The following CABIN1 variants were observed in gnomAD, a reference collection of about 807,000 sequenced individuals.
The protein encoded by CABIN1 is calcineurin binding protein 1.
A neutral mutation model predicts 227.7 loss-of-function variants in CABIN1; 133 were observed. That is an observed-to-expected ratio of 0.58 (90% confidence interval 0.51 to 0.67). The LOEUF (loss-of-function observed/expected upper bound fraction) is 0.67. Ranked by LOEUF, CABIN1 falls within the 30% of genes least tolerant of loss-of-function variation. CABIN1 has a pLI of 0.00. For missense variants in CABIN1, 2,408 were observed against 2,852.5 expected (o/e 0.84, Z 3.55); for synonymous variants, 1,086 against 1,155.1 (o/e 0.94, Z 1.21).
intron 33 of CABIN1, among the ~76,000 whole-genome samples, chr22:24,171,403 C>G (rs2046804179): frequency 6.6e-6 from 1 of 152,188 alleles, no homozygotes; most frequent in African/African-American, 2.4e-5. Flanking sequence ...AGACTGGCAC[C>G]CTGTGGTGTG....
intron 1 of CABIN1, among the ~76,000 whole-genome samples, chr22:24,032,726 A>G (rs1465982132): frequency 2.0e-5 from 3 of 151,924 alleles, no homozygotes; most frequent in Non-Finnish European, 2.9e-5. Context: ...TTTTTTTCAT[A>G]TTGTATAGTG....
intron 18 of CABIN1, among the ~76,000 whole-genome samples, chr22:24,072,787 T>C (rs2040185481): frequency 6.6e-6 from 1 of 152,180 alleles, no homozygotes; most frequent in African/African-American, 2.4e-5. Flanking sequence ...TGACTACTTA[T>C]GACAAATGCT....
At chr22:24,023,829 G>T (rs2035894814) in intron 1 of CABIN1, among the ~76,000 whole-genome samples, 1 of 151,836 alleles carries the variant, frequency 6.6e-6, no homozygotes, top group Admixed American at 6.6e-5. Context: ...TGCCTCCCGG[G>T]CCCAAGCAGT....
intron 29 of CABIN1, among the ~76,000 whole-genome samples, chr22:24,152,603 C>T (rs1374640583): frequency 6.6e-6 from 1 of 152,204 alleles, no homozygotes; most frequent in Non-Finnish European, 1.5e-5. Context: ...CTTCAAAGCT[C>T]CCAGGCTGAG....
At chr22:24,070,344 C>T (rs967255270) in intron 16 of CABIN1, among the ~76,000 whole-genome samples, 1 of 152,230 alleles carries the variant, frequency 6.6e-6, no homozygotes, top group Non-Finnish European at 1.5e-5. Flanking sequence ...GCCAGTTGCC[C>T]CTGTTGTGGC....
At chr22:24,036,232 G>A in intron 3 of CABIN1, 51 bp downstream of exon 3, 2 of 1,295,578 alleles carry the variant, frequency 1.5e-6, no homozygotes, top group Non-Finnish European at 2.2e-6. Flanking sequence ...TTTCTATAGA[G>A]GGAACCTCAT....
chr22:24,047,437 C>T (rs1261813609), intron 6 of CABIN1, among the ~76,000 whole-genome samples: 1 of 152,188 alleles, frequency 6.6e-6, no homozygotes, highest in Non-Finnish European at 1.5e-5. Flanking sequence ...TCCAAGTGCT[C>T]AGTGCCTTCT....
chr22:24,129,514 C>T (rs1375810056), intron 28 of CABIN1, among the ~76,000 whole-genome samples: 1 of 152,230 alleles, frequency 6.6e-6, no homozygotes, highest in Non-Finnish European at 1.5e-5. Context: ...ACATACGCTT[C>T]CTTCCCATTT....
At chr22:24,077,099 A>G (rs2040495499) in intron 19 of CABIN1, among the ~76,000 whole-genome samples, 1 of 152,150 alleles carries the variant, frequency 6.6e-6, no homozygotes, top group South Asian at 2.1e-4. Flanking sequence ...CCCTTTAAGA[A>G]AACGTTTGCC....
At chr22:24,151,036 G>A (rs2045452810) in intron 29 of CABIN1, among the ~76,000 whole-genome samples, 1 of 152,174 alleles carries the variant, frequency 6.6e-6, no homozygotes, top group Non-Finnish European at 1.5e-5. Context: ...GGGATTGAAG[G>A]ATTTCTCCCT....
rs774582286 is a variant in CABIN1 at position 24,042,948 on chromosome 22, T to G, written c.390T>G (p.Ile130Met). 3.7e-6 allele frequency: 6 copies of G among 1,611,888 alleles called. No individual in the cohort carries two copies. Among genetic ancestry groups the G allele is most frequent in the East Asian group, 2.2e-5 (1 of 44,674 alleles). Reference protein sequence around the residue: ...DSTDVNLWYKIGHVALRLIRI... With the variant: ...DSTDVNLWYKMGHVALRLIRI... ...CAGATGTCAACCTCTGGTATAAGAT[T>G]GGACATGTGGCCCTGAGGCTCATCC... Residue 130 changes from isoleucine (I) to methionine (M), a missense_variant, in exon 6 of 37, where the codon ATT becomes ATG. Transcript: ENST00000263119.
intron 29 of CABIN1, among the ~76,000 whole-genome samples, chr22:24,157,856 G>T (rs1203227492): frequency 6.6e-6 from 1 of 152,164 alleles, no homozygotes; most frequent in African/African-American, 2.4e-5. Context: ...TTTTCTGGGG[G>T]GGCGGGGAGG....
chr22:24,039,307 C>T (rs990731331), intron 4 of CABIN1, among the ~76,000 whole-genome samples: 7 of 152,136 alleles, frequency 4.6e-5, no homozygotes, highest in Non-Finnish European at 1.0e-4. Flanking sequence ...ATGACTCAAG[C>T]AAAAACCTTG....
chr22:24,177,926 A>T lies in CABIN1; in HGVS notation c.6519+109A>T. On this transcript the variant is annotated intron_variant, in intron 36 of 36. Transcript: ENST00000263119. The surrounding 1 kb of genome is among the most constrained non-coding windows in gnomAD (Gnocchi z 4.4). ...AGGAGGGCCTGGGGTGTGGGTGAGG[A>T]TGGCATAGGGGCCTGGGGCAGGGGT... The T allele has an allele frequency of 1.0e-6, 1 of 969,876 alleles. No individual in the cohort carries two copies. Among genetic ancestry groups the T allele is most frequent in the Non-Finnish European group, 1.4e-6 (1 of 698,156 alleles). 60.1% of individuals were successfully genotyped at this position (969,876 alleles called of 1,614,324 possible). A position where few individuals can be genotyped will look rare whatever the true frequency, so the allele number is the denominator to read the frequency against.
intron 19 of CABIN1, among the ~76,000 whole-genome samples, chr22:24,079,622 A>G (rs1023737661): frequency 6.6e-6 from 1 of 152,190 alleles, no homozygotes; most frequent in African/African-American, 2.4e-5. Flanking sequence ...ATTGTTCTTT[A>G]GATGTTCTTT....
chr22:24,024,253 G>A (rs1274412618), intron 1 of CABIN1, among the ~76,000 whole-genome samples: 1 of 151,924 alleles, frequency 6.6e-6, no homozygotes, highest in Non-Finnish European at 1.5e-5. Flanking sequence ...GTGCAGGTTA[G>A]TTACATATGT....
intron 32 of CABIN1, 86 bp downstream of exon 32, chr22:24,167,399 GGCCTGCCCTT>G: frequency 7.4e-7 from 1 of 1,360,228 alleles, no homozygotes; most frequent in Non-Finnish European, 1.0e-6. Context: ...GGGTCTCCCA[GGCCTGCCCTT>G]GGGGCGGGTT....
At chr22:24,065,787 C>T (rs1036788130) in intron 15 of CABIN1, among the ~76,000 whole-genome samples, 8 of 152,376 alleles carry the variant, frequency 5.3e-5, no homozygotes, top group East Asian at 1.9e-4. Context: ...GGATCACTCG[C>T]GATTAGGAGC....
rs772378636 is a variant in CABIN1, at chr22:24,070,755, G to T, written c.2233-45G>T. 5 of 1,613,764 alleles carry T rather than the reference G, an allele frequency of 3.1e-6. No homozygotes were observed. The South Asian group carries it at 5.5e-5, about 18-fold the overall frequency. On this transcript the variant is annotated intron_variant, in intron 16 of 36. Transcript: ENST00000263119. ...CTCTGCTCAGGCCTTGGGCCCAGAT[G>T]TGCTGAGCTCACCGTGCACTTCACC...
Sources: gnomAD v4.1 joint callset for allele counts (sites outside exome capture counted in the v4.1 genomes callset) on GRCh38, gnomAD v4.1.1 for gene constraint, Gnocchi (gnomAD v3.1) non-coding constraint, MANE v1.5 for transcripts, NCBI Gene and HGNC (gene_info 2026-07-23, HGNC 2026-07-21) for gene names.